The following TRDMT1 variants were observed in gnomAD, a reference collection of about 807,000 sequenced individuals.
TRDMT1 encodes the protein tRNA (cytosine(38)-C(5))-methyltransferase.
TRDMT1 carries 49 observed loss-of-function variants against 51.2 expected under a neutral mutation model. The observed-to-expected ratio is 0.96, with a 90% CI of 0.76 to 1.21. The LOEUF (loss-of-function observed/expected upper bound fraction) is 1.21. Ranked by LOEUF, TRDMT1 falls within the 50% of genes most tolerant of loss-of-function variation. TRDMT1 has a pLI of 0.00. For missense variants in TRDMT1, 534 were observed against 462.3 expected (o/e 1.16, Z -1.42); for synonymous variants, 187 against 164.6 (o/e 1.14, Z -1.04).
intron 7 of TRDMT1, 28 bp from the exon 8 acceptor site, chr10:17,157,812 G>A (rs1839772120): frequency 2.0e-6 from 3 of 1,484,154 alleles, no homozygotes; most frequent in Non-Finnish European, 2.7e-6. Flanking sequence ...TACACAAATT[G>A]TCAAAAGTTG....
At chr10:17,161,603 GTAA>G in intron 4 of TRDMT1, 55 bp from the exon 5 acceptor site, 1 of 235,300 alleles carries the variant, frequency 4.2e-6, no homozygotes. Flanking sequence ...AGAAGAAAAA[GTAA>G]AGAAAATCAT....
chr10:17,161,593 A>T (rs201044746), intron 4 of TRDMT1, 45 bp from the exon 5 acceptor site: 1 of 968,574 alleles, frequency 1.0e-6, no homozygotes, highest in East Asian at 3.1e-5. Flanking sequence ...CTCATTACTA[A>T]GAAGAAAAAG....
intron 1 of TRDMT1, among the ~76,000 whole-genome samples, chr10:17,188,490 G>C (rs1021729981): frequency 2.0e-5 from 3 of 152,106 alleles, no homozygotes; most frequent in Admixed American, 2.0e-4. Context: ...TCCAGGCAGA[G>C]ATGATAAAAC....
At chr10:17,191,044 G>T (rs755694826) in intron 1 of TRDMT1, among the ~76,000 whole-genome samples, 1 of 152,328 alleles carries the variant, frequency 6.6e-6, no homozygotes, top group Non-Finnish European at 1.5e-5. Flanking sequence ...AGATATCAGG[G>T]AGAAGCACTT....
rs571873696 is a variant in TRDMT1 at position 17,137,833 on chromosome 10, A to G, written c.*11207T>C. Among the ~76,000 whole-genome samples the G allele has an allele frequency of 6.0e-5, 9 of 149,450 alleles. No homozygotes were observed. Among genetic ancestry groups the G allele is most frequent in the African/African-American group, 7.7e-5 (3 of 38,836 alleles). On this transcript the variant is annotated 3_prime_UTR_variant, in exon 11 of 11. Coordinates refer to ENST00000377799, the MANE Select transcript of TRDMT1 (RefSeq NM_004412.7). Reference sequence around the variant, plus strand: ...TGACAGAGCGAAACTCTGCCAAAAAAAAAAGAAAAAAAAAAAAAGGTTGTT... The same window carrying G: ...TGACAGAGCGAAACTCTGCCAAAAAGAAAAGAAAAAAAAAAAAAGGTTGTT...
At position 17,142,982 on chromosome 10, in the gene TRDMT1, A is replaced by C; in HGVS notation, c.*6058T>G. ...TCTCTTGTCAAGACCAGAAGTCAGAATACAGTATTTTAAAAAGTTTTATTT... is the reference window on the plus strand; with the variant it reads ...TCTCTTGTCAAGACCAGAAGTCAGACTACAGTATTTTAAAAAGTTTTATTT... On this transcript the variant is annotated 3_prime_UTR_variant, in exon 11 of 11. Coordinates refer to ENST00000377799, the MANE Select transcript of TRDMT1 (RefSeq NM_004412.7). 1 of 985,300 alleles carries C rather than the reference A, an allele frequency of 1.0e-6. No individual in the cohort carries two copies. The allele number at this position is 985,300 out of a possible 1,614,324, so 61.0% of individuals were successfully genotyped here.
At chr10:17,201,481 T>G (rs1885394) in intron 1 of TRDMT1, 90 bp downstream of exon 1, 2 of 1,373,268 alleles carry the variant, frequency 1.5e-6, no homozygotes, top group Middle Eastern at 1.8e-4. Flanking sequence ...GTCCGCCCCT[T>G]GCGTCTCGCC....
At position 17,159,164 on chromosome 10, in the gene TRDMT1, G is replaced by A; in HGVS notation, c.525C>T (p.Pro175=). 6.3e-7 allele frequency: 1 copy of A among 1,598,164 alleles called. No individual in the cohort carries two copies. Among genetic ancestry groups the A allele is most frequent in the Non-Finnish European group, 8.5e-7 (1 of 1,172,456 alleles). The change falls in exon 7 of 11, where the codon CCC becomes CCT. Residue 175 remains proline, a synonymous_variant. Transcript: ENST00000377799. ...ATAATACCTGACCAGGGGCTTGAAAGGGTAATGGCTCTGACTGAAGCTTTG... is the reference window on the plus strand; with the variant it reads ...ATAATACCTGACCAGGGGCTTGAAAAGGTAATGGCTCTGACTGAAGCTTTG... The part of the protein sequence containing the change: ...LIAKLQSEPL[P]FQAPGQVLME...
intron 3 of TRDMT1, among the ~76,000 whole-genome samples, chr10:17,167,971 A>G (rs1841437746): frequency 1.3e-5 from 2 of 152,154 alleles, no homozygotes; most frequent in Non-Finnish European, 2.9e-5. Context: ...CTCATCTGGT[A>G]GCAACTGCTA....
At chr10:17,193,357 C>A (rs946590552) in intron 1 of TRDMT1, among the ~76,000 whole-genome samples, 1 of 152,060 alleles carries the variant, frequency 6.6e-6, no homozygotes, top group African/African-American at 2.4e-5. Flanking sequence ...AGTGAGAAGA[C>A]GTCAAACGAT....
rs1176985514 is a variant in TRDMT1, at chr10:17,146,514, T to A, written c.*2526A>T. On this transcript the variant is annotated 3_prime_UTR_variant, in exon 11 of 11. Transcript: ENST00000377799. ...GTTTACATTAATTGATTTGGTCATCTCTTAGAATTAGTTTTGGATCCTGAA... is the reference window on the plus strand; with the variant it reads ...GTTTACATTAATTGATTTGGTCATCACTTAGAATTAGTTTTGGATCCTGAA... 2.0e-6 allele frequency: 2 copies of A among 985,118 alleles called. No individual in the cohort carries two copies. The allele number at this position is 985,118 out of a possible 1,614,324, so 61.0% of individuals were successfully genotyped here. A position where few individuals can be genotyped will look rare whatever the true frequency, so the allele number is the denominator to read the frequency against.
intron 3 of TRDMT1, among the ~76,000 whole-genome samples, chr10:17,166,936 C>G (rs979469599): frequency 2.6e-5 from 4 of 152,204 alleles, no homozygotes; most frequent in Non-Finnish European, 5.9e-5. Flanking sequence ...CCTCTGCCTG[C>G]TCTGATATAC....
chr10:17,143,124 A>G lies in TRDMT1; in HGVS notation c.*5916T>C. 1 of 985,348 alleles carries G rather than the reference A, an allele frequency of 1.0e-6. No individual in the cohort carries two copies. The allele number at this position is 985,348 out of a possible 1,614,324, so 61.0% of individuals were successfully genotyped here. Reference sequence around the variant, plus strand: ...ATGGAAGAAGTGGCAGTAACAGACAAATTAAATAGTTTTCAAGAGAACAAC... The same window carrying G: ...ATGGAAGAAGTGGCAGTAACAGACAGATTAAATAGTTTTCAAGAGAACAAC... On this transcript the variant is annotated 3_prime_UTR_variant, in exon 11 of 11. Coordinates refer to ENST00000377799, the MANE Select transcript of TRDMT1 (RefSeq NM_004412.7).
chr10:17,197,411 G>A (rs1845598345), intron 1 of TRDMT1, among the ~76,000 whole-genome samples: 1 of 152,110 alleles, frequency 6.6e-6, no homozygotes, highest in Non-Finnish European at 1.5e-5. Flanking sequence ...AGAAAATACA[G>A]AAGCATCTAT....
intron 1 of TRDMT1, among the ~76,000 whole-genome samples, chr10:17,176,811 TTAG>T (rs1179115970): frequency 1.3e-5 from 2 of 152,218 alleles, no homozygotes; most frequent in African/African-American, 2.4e-5. Flanking sequence ...TTGATATTTC[TTAG>T]TATACAGTTT....
At chr10:17,198,244 T>C (rs1588701157) in intron 1 of TRDMT1, among the ~76,000 whole-genome samples, 1 of 152,194 alleles carries the variant, frequency 6.6e-6, no homozygotes, top group African/African-American at 2.4e-5. Flanking sequence ...AACAGGCTGG[T>C]GGTTCCTCAA....
In TRDMT1 at chr10:17,154,744, C is replaced by A; in HGVS notation, c.888-10G>T. 1 of 1,599,180 alleles carries A rather than the reference C, an allele frequency of 6.3e-7. No individual in the cohort carries two copies. Among genetic ancestry groups the A allele is most frequent in the African/African-American group, 1.3e-5 (1 of 74,130 alleles). On this transcript the variant is annotated splice_polypyrimidine_tract_variant and intron_variant, in intron 8 of 10. Coordinates refer to ENST00000377799, the MANE Select transcript of TRDMT1 (RefSeq NM_004412.7). ...TATGTAGCTTCCATATCTGAAAAAT[C>A]AACACAACAATTATGCAGCACCTGA...
chr10:17,159,231 T>C lies in TRDMT1; in HGVS notation c.460-2A>G. ...TAGCCTTGAATTTGGAATGCCAAGC[T>C]GTAAGCAAAGCAAAGCAGTTAGTTA... On this transcript the variant is annotated splice_acceptor_variant, in intron 6 of 10. Coordinates refer to ENST00000377799, the MANE Select transcript of TRDMT1 (RefSeq NM_004412.7). LOFTEE classifies it high-confidence loss of function. The C allele has an allele frequency of 6.3e-7, 1 of 1,596,914 alleles. No homozygotes were observed. Among genetic ancestry groups the C allele is most frequent in the Non-Finnish European group, 8.5e-7 (1 of 1,171,834 alleles).
chr10:17,146,776 G>A lies in TRDMT1; in HGVS notation c.*2264C>T. 1.0e-6 allele frequency: 1 copy of A among 985,316 alleles called. No individual in the cohort carries two copies. The highest frequency in any genetic ancestry group is 4.7e-5 in the South Asian group (1 of 21,280). 61.0% of individuals were successfully genotyped at this position (985,316 alleles called of 1,614,324 possible). A position where few individuals can be genotyped will look rare whatever the true frequency, so the allele number is the denominator to read the frequency against. On this transcript the variant is annotated 3_prime_UTR_variant, in exon 11 of 11. Coordinates refer to ENST00000377799, the MANE Select transcript of TRDMT1 (RefSeq NM_004412.7). ...ATTTCCAGTGCAAATTTTATATACA[G>A]CATTATTACCAAAAGCATATAGCAG... is the stretch of plus-strand genomic sequence containing the variant.
Sources: allele counts gnomAD v4.1 joint callset (sites outside exome capture counted in the v4.1 genomes callset), GRCh38; gene constraint gnomAD v4.1.1; transcripts MANE v1.5; gene names NCBI Gene and HGNC (gene_info 2026-07-23, HGNC 2026-07-21).